ASNS: variants seen among roughly 807,000 people sequenced by gnomAD.
ASNS encodes the protein asparagine synthetase [glutamine-hydrolyzing].
ASNS carries 37 observed loss-of-function variants against 62.6 expected under a neutral mutation model. The ratio of observed to expected loss-of-function variants is 0.59; its 90% CI spans 0.45 to 0.78. The LOEUF (loss-of-function observed/expected upper bound fraction) is 0.78. Ranked by LOEUF, ASNS falls within the 30% of genes least tolerant of loss-of-function variation. The pLI, the probability that ASNS is intolerant of heterozygous loss-of-function variation, is 0.00. For missense variants in ASNS, 520 were observed against 682.4 expected (o/e 0.76, Z 2.65); for synonymous variants, 207 against 237.9 (o/e 0.87, Z 1.19).
the ASNS span, among the ~76,000 whole-genome samples, chr7:97,908,090 A>C: frequency 7.6e-3 from 1,158 of 152,326 alleles, 19 homozygotes; most frequent in African/African-American, 0.026. Flanking sequence ...ACATAAAACA[A>C]CCTAGAAATA....
chr7:97,901,971 G>A, the ASNS span, among the ~76,000 whole-genome samples: 3 of 151,186 alleles, frequency 2.0e-5, no homozygotes, highest in Non-Finnish European at 4.4e-5. Flanking sequence ...AAGCAAGACT[G>A]TCTCAAAAGA....
the ASNS span, among the ~76,000 whole-genome samples, chr7:97,926,995 C>T: frequency 6.7e-6 from 1 of 150,200 alleles, no homozygotes; most frequent in Non-Finnish European, 1.5e-5. Flanking sequence ...TGCAGCCCGA[C>T]CTTCCAGGCT....
At chr7:97,900,360 C>CAA in the ASNS span, among the ~76,000 whole-genome samples, 7,859 of 88,276 alleles carry the variant, frequency 0.089, 958 homozygotes, top group African/African-American at 0.18. Flanking sequence ...GACTTTGTCT[C>CAA]AAAAAAAAAA....
chr7:97,896,739 C>CATATATATATATATATATATATAT, the ASNS span, among the ~76,000 whole-genome samples: 46 of 31,948 alleles, frequency 1.4e-3, no homozygotes, highest in Non-Finnish European at 2.6e-3. Context: ...CACACACACA[C>CATATATATATATATATATATATAT]ACATATATAT....
At chr7:97,875,193 T>A (rs1792412428), upstream of ASNS, among the ~76,000 whole-genome samples, 1 of 152,208 alleles carries the variant, frequency 6.6e-6, no homozygotes, top group Non-Finnish European at 1.5e-5. Context: ...TCACCCAGAC[T>A]AGAGTGCAGT....
intron 1 of ASNS, 140 bp from the exon 2 acceptor site, chr7:97,869,953 T>C: frequency 5.5e-6 from 1 of 181,348 alleles, no homozygotes; most frequent in Non-Finnish European, 1.1e-5. Flanking sequence ...CAAATATTTC[T>C]GTCTCAAAGT....
chr7:97,904,679 G>A, the ASNS span, among the ~76,000 whole-genome samples: 3 of 151,762 alleles, frequency 2.0e-5, no homozygotes, highest in Admixed American at 6.6e-5. Flanking sequence ...ATGAAGACAG[G>A]AGAATTGGAT....
At chr7:97,924,636 C>T in the ASNS span, among the ~76,000 whole-genome samples, 18 of 152,196 alleles carry the variant, frequency 1.2e-4, no homozygotes, top group Non-Finnish European at 7.3e-5. Flanking sequence ...TTCCTGGAAT[C>T]CTGGACCCTG....
chr7:97,927,681 C>T, the ASNS span, among the ~76,000 whole-genome samples: 2 of 152,400 alleles, frequency 1.3e-5, no homozygotes, highest in East Asian at 3.9e-4. Flanking sequence ...ATTGTGTCCC[C>T]GACCAGAACC....
At chr7:97,857,516 A>C (rs1791502747) in intron 7 of ASNS, among the ~76,000 whole-genome samples, 2 of 151,532 alleles carry the variant, frequency 1.3e-5, no homozygotes, top group African/African-American at 4.9e-5. Context: ...CATAGCAGAC[A>C]CTATTATTTT....
chr7:97,918,622 AAC>A, the ASNS span, among the ~76,000 whole-genome samples: 1 of 152,212 alleles, frequency 6.6e-6, no homozygotes, highest in Admixed American at 6.5e-5. Flanking sequence ...GGTTACAATA[AAC>A]ACATATGCAA....
rs1791864118 is a variant in ASNS, at chr7:97,864,407, T to C, written c.339A>G (p.Thr113=). Residue 113 remains threonine (T), a synonymous_variant, in exon 4 of 13, where the codon ACA becomes ACG. Transcript: ENST00000394308. ...CAAACACACCATCCAACATACAAAT[T>C]GTTTGCTCAATTCCTCCTTTGTCAT... The part of the protein sequence containing the change: ...HLYDKGGIEQ[T]ICMLDGVFAF... The C allele has an allele frequency of 6.2e-7, 1 of 1,613,986 alleles. No homozygotes were observed. Among genetic ancestry groups the C allele is most frequent in the Non-Finnish European group, 8.5e-7 (1 of 1,179,934 alleles).
rs199766359 is a variant in ASNS at position 97,860,767 on chromosome 7, T to C, written c.488-1369A>G. Among the ~76,000 whole-genome samples, 4 of 152,364 alleles carry C rather than the reference T, an allele frequency of 2.6e-5. No individual in the cohort carries two copies. In the East Asian group the frequency reaches 7.7e-4, roughly 29 times the overall value. The stretch of plus-strand genomic sequence containing the variant: ...TCAAGTTTACCATCAAAAAGTGCTA[T>C]GCATGATTTGCAAGTATTTTCTTCC... On this transcript the variant is annotated intron_variant, in intron 4 of 12. Coordinates refer to ENST00000394308, the MANE Select transcript of ASNS (RefSeq NM_001673.5).
chr7:97,870,856 G>C (rs1792220657), intron 1 of ASNS, among the ~76,000 whole-genome samples: 1 of 152,072 alleles, frequency 6.6e-6, no homozygotes, highest in African/African-American at 2.4e-5. Context: ...CACTAAACTG[G>C]AGGGGAAAAA....
intron 8 of ASNS, 38 bp from the exon 9 acceptor site, chr7:97,855,497 T>A: frequency 6.7e-7 from 1 of 1,491,766 alleles, no homozygotes; most frequent in South Asian, 1.1e-5. Flanking sequence ...AATGTCAACA[T>A]AACCTTCCAC....
chr7:97,884,149 A>G, the ASNS span, among the ~76,000 whole-genome samples: 1 of 152,084 alleles, frequency 6.6e-6, no homozygotes, highest in Non-Finnish European at 1.5e-5. Flanking sequence ...AAGTTTCCAC[A>G]CACTAATGTG....
chr7:97,885,221 C>A, the ASNS span, among the ~76,000 whole-genome samples: 1 of 152,264 alleles, frequency 6.6e-6, no homozygotes, highest in Admixed American at 6.5e-5. Context: ...CGTGTTAGTA[C>A]TTCATTCCTT....
intron 10 of ASNS, among the ~76,000 whole-genome samples, chr7:97,854,248 G>T (rs1714428840): frequency 6.6e-6 from 1 of 152,158 alleles, no homozygotes; most frequent in South Asian, 2.1e-4. Flanking sequence ...TGCTGTAGCA[G>T]CCTTGCCTCT....
At chr7:97,913,136 A>C in the ASNS span, 1 of 152,160 alleles carries the variant, frequency 6.6e-6, no homozygotes, top group African/African-American at 2.4e-5. Context: ...ATGTGAGGAC[A>C]GGTGAAGGTC....
Sources: allele counts gnomAD v4.1 joint callset (sites outside exome capture counted in the v4.1 genomes callset), GRCh38; gene constraint gnomAD v4.1.1; transcripts MANE v1.5; gene names NCBI Gene and HGNC (gene_info 2026-07-23, HGNC 2026-07-21).